The following PTPRZ1 variants were observed in gnomAD, a reference collection of about 807,000 sequenced individuals.
PTPRZ1 encodes the protein receptor-type tyrosine-protein phosphatase zeta.
Under a neutral mutation model 214.1 loss-of-function variants are expected in PTPRZ1, and 82 were observed. The observed-to-expected ratio is 0.38, with a 90% CI of 0.32 to 0.46. The LOEUF (loss-of-function observed/expected upper bound fraction) is 0.46. PTPRZ1 is among the 20% of genes least tolerant of loss of function. The probability of loss-of-function intolerance (pLI) is 1.00; values close to 1 mark genes in which losing one functional copy is unlikely to be tolerated. For synonymous variants in PTPRZ1, 945 were observed against 987.9 expected, an observed-to-expected ratio of 0.96 and a Z score of 0.81; for missense variants, 2,603 against 2,748.7, an observed-to-expected ratio of 0.95 and a Z score of 1.19.
intron 2 of PTPRZ1, among the ~76,000 whole-genome samples, chr7:121,961,254 T>G (rs1796867596): frequency 6.6e-6 from 1 of 152,182 alleles, no homozygotes; most frequent in Admixed American, 6.5e-5. Flanking sequence ...CCCAGGCACA[T>G]GGATCATAAT....
At chr7:122,029,423 C>T (rs1411573199) in intron 14 of PTPRZ1, among the ~76,000 whole-genome samples, 1 of 151,878 alleles carries the variant, frequency 6.6e-6, no homozygotes, top group Non-Finnish European at 1.5e-5. Context: ...ATTCAAGCCA[C>T]TTATTTAATT....
At chr7:122,033,759 T>C (rs1015543254) in intron 15 of PTPRZ1, 9 of 262,350 alleles carry the variant, frequency 3.4e-5, no homozygotes, top group African/African-American at 2.0e-4. Context: ...TAAAATAAAA[T>C]TTGGATATTA....
intron 10 of PTPRZ1, among the ~76,000 whole-genome samples, chr7:122,000,730 A>AG (rs888626575): frequency 1.5e-5 from 2 of 130,882 alleles, no homozygotes; most frequent in African/African-American, 5.9e-5. Context: ...TCTGTCACCC[A>AG]GGCTGGAATG....
Position 122,012,186 on chromosome 7 carries a change from T to G in PTPRZ1, c.3140T>G (p.Ile1047Arg). The G allele has an allele frequency of 6.2e-7, 1 of 1,613,930 alleles. No homozygotes were observed. Among genetic ancestry groups the G allele is most frequent in the Non-Finnish European group, 8.5e-7 (1 of 1,179,818 alleles). The change falls in exon 12 of 30, where the codon ATA (isoleucine) becomes AGA (arginine). Residue 1047 changes from isoleucine to arginine, a missense_variant. By Grantham distance (97) the Ile-to-Arg change is moderately conservative. Coordinates refer to ENST00000393386, the MANE Select transcript of PTPRZ1 (RefSeq NM_002851.3). Reference sequence around the variant, plus strand: ...AAGGCGCTTTCTAAAAGTGAAATAATATATGGAAATGAGACTGAACTGCAA... The same window carrying G: ...AAGGCGCTTTCTAAAAGTGAAATAAGATATGGAAATGAGACTGAACTGCAA... ...DNKALSKSEI[I>R]YGNETELQIP...
At chr7:121,914,521 A>G (rs922050545) in intron 1 of PTPRZ1, among the ~76,000 whole-genome samples, 1 of 152,156 alleles carries the variant, frequency 6.6e-6, no homozygotes, top group Non-Finnish European at 1.5e-5. Context: ...AGCTGTGTGG[A>G]GGAAGTTACA....
In PTPRZ1 at chr7:121,979,520, TATC is replaced by T. The variant is rs541351919; in HGVS notation, c.619+2672_619+2674del. Among the ~76,000 whole-genome samples, 36 of 152,282 alleles carry T rather than the reference TATC, an allele frequency of 2.4e-4. 1 individual carries two copies. The highest frequency in any genetic ancestry group is 2.3e-3 in the South Asian group (11 of 4,822). On this transcript the variant is annotated intron_variant, in intron 6 of 29. Coordinates refer to ENST00000393386, the MANE Select transcript of PTPRZ1 (RefSeq NM_002851.3). ...GGCATTGGTGTGACCCCATGCTAAA[TATC>T]ATTGTCCTAAGTAATAGGAGCTGGT...
chr7:121,952,253 C>T (rs1042321396), intron 2 of PTPRZ1, among the ~76,000 whole-genome samples: 28 of 111,478 alleles, frequency 2.5e-4, no homozygotes, highest in Non-Finnish European at 3.6e-4. Flanking sequence ...TCACCGCGCC[C>T]GGTGAGTGTT....
intron 2 of PTPRZ1, among the ~76,000 whole-genome samples, chr7:121,949,719 A>G (rs1382333913): frequency 1.3e-5 from 2 of 152,170 alleles, no homozygotes; most frequent in Admixed American, 6.5e-5. Flanking sequence ...TGATATATTT[A>G]TGGGGCCTTC....
At chr7:121,949,410 T>C (rs1465725447) in intron 2 of PTPRZ1, among the ~76,000 whole-genome samples, 3 of 152,162 alleles carry the variant, frequency 2.0e-5, no homozygotes, top group Non-Finnish European at 4.4e-5. Flanking sequence ...CACATATGAA[T>C]TACTGTTGTT....
chr7:121,909,051 C>T (rs1795197190), intron 1 of PTPRZ1: 4 of 463,896 alleles, frequency 8.6e-6, no homozygotes, highest in Admixed American at 6.8e-5. Context: ...AATCAATTTG[C>T]TTGCTCTCTT....
chr7:121,893,243 A>T (rs1794692323), intron 1 of PTPRZ1, among the ~76,000 whole-genome samples: 1 of 152,216 alleles, frequency 6.6e-6, no homozygotes, highest in African/African-American at 2.4e-5. Context: ...GTTTGATTGC[A>T]TGCCCAAAAA....
chr7:122,006,051 T>G (rs947285865), intron 11 of PTPRZ1, among the ~76,000 whole-genome samples: 1 of 152,104 alleles, frequency 6.6e-6, no homozygotes, highest in Non-Finnish European at 1.5e-5. Context: ...AATTTCTACA[T>G]AAAACTATAA....
chr7:122,050,788 G>C (rs545326444), intron 23 of PTPRZ1, among the ~76,000 whole-genome samples: 1 of 152,094 alleles, frequency 6.6e-6, no homozygotes, highest in Non-Finnish European at 1.5e-5. Flanking sequence ...CAGAAATTAA[G>C]ACGATGCAAA....
At position 121,967,973 on chromosome 7, in the gene PTPRZ1, G is replaced by A; in HGVS notation, c.147G>A (p.Trp49Ter). The change falls in exon 3 of 30, where the codon TGG (tryptophan) becomes TGA (stop). Residue 49 changes from tryptophan (W) to a stop codon, truncating the protein, a stop_gained. Coordinates refer to ENST00000393386, the MANE Select transcript of PTPRZ1 (RefSeq NM_002851.3). LOFTEE classifies it high-confidence loss of function. ...TAGGAGCACTGAATCAAAAAAATTGGGGAAAGAAATATCCAACATGTAATA... is the reference window on the plus strand; with the variant it reads ...TAGGAGCACTGAATCAAAAAAATTGAGGAAAGAAATATCCAACATGTAATA... ...SYTGALNQKN[W>*]GKKYPTCNSP... The A allele has an allele frequency of 6.3e-7, 1 of 1,580,706 alleles. No homozygotes were observed. Among genetic ancestry groups the A allele is most frequent in the Admixed American group, 1.8e-5 (1 of 57,052 alleles).
At chr7:121,952,254 G>C (rs568917945) in intron 2 of PTPRZ1, among the ~76,000 whole-genome samples, 10 of 99,718 alleles carry the variant, frequency 1.0e-4, no homozygotes, top group Non-Finnish European at 1.9e-4. Flanking sequence ...CACCGCGCCC[G>C]GTGAGTGTTT....
chr7:122,053,527 A>C (rs1792253856), intron 25 of PTPRZ1, among the ~76,000 whole-genome samples: 1 of 152,204 alleles, frequency 6.6e-6, no homozygotes, highest in African/African-American at 2.4e-5. Context: ...AAGGAATGCC[A>C]AGGCAACATA....
intron 2 of PTPRZ1, among the ~76,000 whole-genome samples, chr7:121,938,674 A>G (rs1174665084): frequency 6.6e-6 from 1 of 152,090 alleles, no homozygotes; most frequent in East Asian, 1.9e-4. Context: ...GGATTGATAT[A>G]CATTGCAAAA....
intron 2 of PTPRZ1, among the ~76,000 whole-genome samples, chr7:121,940,379 T>C (rs1796205674): frequency 6.6e-6 from 1 of 152,148 alleles, no homozygotes; most frequent in Non-Finnish European, 1.5e-5. Flanking sequence ...TTGTCACACA[T>C]AGTTCTGGGG....
intron 1 of PTPRZ1, chr7:121,908,692 G>C: frequency 4.2e-6 from 2 of 473,058 alleles, no homozygotes; most frequent in South Asian, 1.6e-5. Flanking sequence ...ATTCAAAATG[G>C]GTTATTGAAT....
Sources: gnomAD v4.1 joint callset for allele counts (sites outside exome capture counted in the v4.1 genomes callset) on GRCh38, gnomAD v4.1.1 for gene constraint, MANE v1.5 for transcripts, NCBI Gene and HGNC (gene_info 2026-07-23, HGNC 2026-07-21) for gene names.